The following GPR139 variants were observed in gnomAD, a reference collection of about 807,000 sequenced individuals.
GPR139 encodes the protein G protein-coupled receptor 139.
Under a neutral mutation model 25.8 loss-of-function variants are expected in GPR139, and 12 were observed. The observed-to-expected ratio is 0.47, with a 90% CI of 0.30 to 0.75. GPR139 has a LOEUF of 0.75. Among genes scored for constraint, GPR139 ranks in the 30% least tolerant of loss-of-function variants. The pLI is 0.07. For missense variants in GPR139, 380 were observed against 450.2 expected (o/e 0.84, Z 1.41); for synonymous variants, 184 against 179.9 (o/e 1.02, Z -0.18).
intron 1 of GPR139, among the ~76,000 whole-genome samples, chr16:20,061,067 G>T (rs1361781280): frequency 7.0e-5 from 7 of 99,826 alleles, no homozygotes; most frequent in African/African-American, 1.9e-4. Flanking sequence ...TCCTCTGTGT[G>T]TGTGTGTGTG....
intron 1 of GPR139, among the ~76,000 whole-genome samples, chr16:20,065,534 A>C (rs1052947226): frequency 6.6e-6 from 1 of 152,188 alleles, no homozygotes; most frequent in African/African-American, 2.4e-5. Context: ...TTCTCACCTG[A>C]AAAATGGGTA....
chr16:20,030,975 T>G lies in GPR139; in HGVS notation c.*760A>C, dbSNP rs1248602309. Among the ~76,000 whole-genome samples the G allele has an allele frequency of 1.3e-5, 2 of 152,124 alleles. No individual in the cohort carries two copies. Among genetic ancestry groups the G allele is most frequent in the Non-Finnish European group, 2.9e-5 (2 of 68,036 alleles). ...GTGTGGGCTTATTTTTTTGTTTTTC[T>G]GGGCTCGAGAATTCCTCCTTTCCCC... On this transcript the variant is annotated 3_prime_UTR_variant, in exon 2 of 2. Transcript: ENST00000570682.
intron 1 of GPR139, among the ~76,000 whole-genome samples, chr16:20,038,920 C>A (rs1416033133): frequency 1.3e-5 from 2 of 152,112 alleles, no homozygotes; most frequent in East Asian, 3.8e-4. Flanking sequence ...AATGAAGAAA[C>A]CGAAGTTCTC....
chr16:20,063,233 A>C (rs1295095596), intron 1 of GPR139, among the ~76,000 whole-genome samples: 1 of 152,214 alleles, frequency 6.6e-6, no homozygotes, highest in Non-Finnish European at 1.5e-5. Flanking sequence ...TGTAAACAGG[A>C]GGTAGTCTTA....
chr16:20,049,050 T>C (rs749446100), intron 1 of GPR139, among the ~76,000 whole-genome samples: 4 of 152,192 alleles, frequency 2.6e-5, no homozygotes, highest in Non-Finnish European at 4.4e-5. Context: ...GGCCAGAGTA[T>C]TTAACACATT....
rs537869323 is a variant in GPR139, at chr16:20,033,693, C to T, written c.128-1024G>A. 2.0e-5 allele frequency among the ~76,000 whole-genome samples: 3 copies of T among 152,236 alleles called. No individual in the cohort carries two copies. The East Asian group carries it at 5.8e-4, about 29-fold the overall frequency. ...GTTTTTGGAATAGGTAATCTACGTA[C>T]ATGCTACATAATCAAAAATAATAGC... On this transcript the variant is annotated intron_variant, in intron 1 of 1. Transcript: ENST00000570682.
intron 1 of GPR139, among the ~76,000 whole-genome samples, chr16:20,066,836 T>G (rs1356490416): frequency 1.3e-5 from 2 of 152,182 alleles, no homozygotes; most frequent in Non-Finnish European, 2.9e-5. Flanking sequence ...AACAGCCCAA[T>G]GAGAGAAGTA....
At chr16:20,045,061 G>A (rs1178886554) in intron 1 of GPR139, among the ~76,000 whole-genome samples, 1 of 144,824 alleles carries the variant, frequency 6.9e-6, no homozygotes, top group Admixed American at 7.2e-5. Flanking sequence ...GAGCAGTGGT[G>A]CAATCGCGGC....
intron 1 of GPR139, among the ~76,000 whole-genome samples, chr16:20,049,376 A>G (rs1179115730): frequency 1.3e-5 from 2 of 152,108 alleles, no homozygotes; most frequent in Non-Finnish European, 2.9e-5. Flanking sequence ...TCCAGTGTCT[A>G]TGTAGCTTCT....
At chr16:20,034,030 A>C (rs919855277) in intron 1 of GPR139, among the ~76,000 whole-genome samples, 2 of 152,028 alleles carry the variant, frequency 1.3e-5, no homozygotes, top group Admixed American at 1.3e-4. Context: ...TTAGAAAGTC[A>C]TTAGGGACTC....
intron 1 of GPR139, among the ~76,000 whole-genome samples, chr16:20,066,567 G>T (rs1596471876): frequency 1.3e-5 from 2 of 152,340 alleles, no homozygotes; most frequent in Admixed American, 1.3e-4. Context: ...TGCACAGAGT[G>T]ATGTGTGGCT....
At chr16:20,068,236 CAAAAAAAAAA>C (rs10534277) in intron 1 of GPR139, among the ~76,000 whole-genome samples, 4 of 109,050 alleles carry the variant, frequency 3.7e-5, no homozygotes, top group East Asian at 4.9e-4. Context: ...CTATTTAATG[CAAAAAAAAAA>C]AAAAAAAAAA....
At chr16:20,046,443 T>C (rs1490269103) in intron 1 of GPR139, among the ~76,000 whole-genome samples, 1 of 152,206 alleles carries the variant, frequency 6.6e-6, no homozygotes, top group African/African-American at 2.4e-5. Context: ...CTCTGAGACT[T>C]CTTTTATTCC....
intron 1 of GPR139, among the ~76,000 whole-genome samples, chr16:20,038,500 G>A (rs2057319233): frequency 6.6e-6 from 1 of 152,082 alleles, no homozygotes; most frequent in South Asian, 2.1e-4. Context: ...AATGCTTTAA[G>A]TCAGGCAAGT....
At chr16:20,057,276 A>G (rs550689887) in intron 1 of GPR139, among the ~76,000 whole-genome samples, 1 of 152,304 alleles carries the variant, frequency 6.6e-6, no homozygotes, top group South Asian at 2.1e-4. Flanking sequence ...CCATATGCCA[A>G]ATGAGCATGA....
chr16:20,030,080 A>C lies in GPR139; in HGVS notation c.*1655T>G, dbSNP rs1043898451. ...GGTAAGAATTAGGATCATCAGGACTAATATGACCTAAGTTTGTATTGAGTT... is the reference window on the plus strand; with the variant it reads ...GGTAAGAATTAGGATCATCAGGACTCATATGACCTAAGTTTGTATTGAGTT... On this transcript the variant is annotated 3_prime_UTR_variant, in exon 2 of 2. Transcript: ENST00000570682. 6.6e-6 allele frequency among the ~76,000 whole-genome samples: 1 copy of C among 152,230 alleles called. No homozygotes were observed. Among genetic ancestry groups the C allele is most frequent in the Non-Finnish European group, 1.5e-5 (1 of 68,036 alleles).
chr16:20,057,632 C>A (rs1013192998), intron 1 of GPR139, among the ~76,000 whole-genome samples: 10 of 151,886 alleles, frequency 6.6e-5, no homozygotes, highest in Non-Finnish European at 1.5e-4. Flanking sequence ...ATCCACCCAT[C>A]CATCCATCCA....
At position 20,073,586 on chromosome 16, in the gene GPR139, T is replaced by C. The variant is rs1296624501; in HGVS notation, c.31A>G (p.Asn11Asp). The C allele has an allele frequency of 6.2e-7, 1 of 1,610,622 alleles. No homozygotes were observed. Among genetic ancestry groups the C allele is most frequent in the Non-Finnish European group, 8.5e-7 (1 of 1,178,866 alleles). The stretch of plus-strand genomic sequence containing the variant: ...GGGGACCACCAAGACAGCGAGCTGT[T>C]GGCTGCGAGGTGGGCGTGCGTGTGC... MEHTHAHLAA[N>D]SSLSWWSPGS... The change falls in exon 1 of 2, where the codon AAC (asparagine) becomes GAC (aspartate). Residue 11 changes from asparagine to aspartate, a missense_variant. Transcript: ENST00000570682. This position sits in a 1 kb window ranked among gnomAD's most constrained non-coding sequence, Gnocchi z 4.7.
At chr16:20,054,997 G>T (rs868542133) in intron 1 of GPR139, among the ~76,000 whole-genome samples, 2 of 152,106 alleles carry the variant, frequency 1.3e-5, no homozygotes, top group Admixed American at 6.6e-5. Flanking sequence ...CAAAGTGCTG[G>T]GATTACAGGT....
Sources: gnomAD v4.1 joint callset for allele counts (sites outside exome capture counted in the v4.1 genomes callset) on GRCh38, gnomAD v4.1.1 for gene constraint, Gnocchi (gnomAD v3.1) non-coding constraint, MANE v1.5 for transcripts, NCBI Gene and HGNC (gene_info 2026-07-23, HGNC 2026-07-21) for gene names.